The following ADGB variants were observed in gnomAD, a reference collection of about 807,000 sequenced individuals.
ADGB encodes the protein androglobin, also known as calpain-7-like protein.
A neutral mutation model predicts 210.5 loss-of-function variants in ADGB; 172 were observed. That is an observed-to-expected ratio of 0.82 (90% CI 0.72 to 0.93). The LOEUF is 0.93. ADGB is among the 40% of genes least tolerant of loss of function. The pLI is 0.00. For missense variants in ADGB, 2,025 were observed against 1,964.8 expected (o/e 1.03, Z -0.58); for synonymous variants, 658 against 662.7 (o/e 0.99, Z 0.11).
chr6:146,751,982 T>C (rs958933847), intron 26 of ADGB, among the ~76,000 whole-genome samples: 6 of 152,184 alleles, frequency 3.9e-5, no homozygotes, highest in Non-Finnish European at 8.8e-5. Flanking sequence ...TTAGTGAACT[T>C]TAAAAAGTAG....
intron 1 of ADGB, among the ~76,000 whole-genome samples, chr6:146,617,591 C>T (rs1780821905): frequency 1.3e-5 from 2 of 151,312 alleles, no homozygotes; most frequent in Non-Finnish European, 3.0e-5. Flanking sequence ...TATATGTGAC[C>T]TTCATTGTTT....
At chr6:146,808,629 A>C (rs776588752) in intron 35 of ADGB, among the ~76,000 whole-genome samples, 12 of 152,240 alleles carry the variant, frequency 7.9e-5, no homozygotes, top group Non-Finnish European at 1.5e-4. Flanking sequence ...TTTTTTAACC[A>C]GTGAAAGCGG....
At chr6:146,784,481 T>C (rs1420060103) in intron 30 of ADGB, 137 bp from the exon 31 acceptor site, 7 of 721,396 alleles carry the variant, frequency 9.7e-6, no homozygotes, top group Admixed American at 7.7e-5. Flanking sequence ...AACATTTTCG[T>C]ACAAGTCTTT....
At chr6:146,804,775 G>A (rs1413346110) in intron 35 of ADGB, among the ~76,000 whole-genome samples, 1 of 152,036 alleles carries the variant, frequency 6.6e-6, no homozygotes, top group Non-Finnish European at 1.5e-5. Flanking sequence ...TACCAATCAC[G>A]ACAAACTAGG....
intron 1 of ADGB, among the ~76,000 whole-genome samples, chr6:146,602,003 A>T (rs558554050): frequency 1.8e-4 from 27 of 152,368 alleles, no homozygotes; most frequent in Middle Eastern, 3.4e-3. Flanking sequence ...TGATTACGGT[A>T]GAATCATCTA....
At chr6:146,640,098 A>C (rs571918771) in intron 2 of ADGB, among the ~76,000 whole-genome samples, 28 of 152,184 alleles carry the variant, frequency 1.8e-4, no homozygotes, top group African/African-American at 6.5e-4. Flanking sequence ...ACCCCACAGA[A>C]ATAAAAGCAG....
chr6:146,713,349 T>C (rs945711403), intron 13 of ADGB, among the ~76,000 whole-genome samples: 4 of 152,248 alleles, frequency 2.6e-5, no homozygotes, highest in Non-Finnish European at 5.9e-5. Context: ...CACACCATTT[T>C]ACATTCTCAA....
chr6:146,809,278 T>C, intron 35 of ADGB, among the ~76,000 whole-genome samples: 1 of 152,190 alleles, frequency 6.6e-6, no homozygotes, highest in Non-Finnish European at 1.5e-5. Flanking sequence ...CAATCTCGGC[T>C]CAATGCAAAC....
intron 35 of ADGB, among the ~76,000 whole-genome samples, chr6:146,806,363 G>C (rs1236026052): frequency 1.3e-5 from 2 of 152,126 alleles, no homozygotes; most frequent in Non-Finnish European, 2.9e-5. Context: ...GATTACTGAT[G>C]TATATTAAAC....
At chr6:146,607,593 A>C (rs948771554) in intron 1 of ADGB, among the ~76,000 whole-genome samples, 1 of 152,028 alleles carries the variant, frequency 6.6e-6, no homozygotes, top group African/African-American at 2.4e-5. Context: ...TTCAGTTTTT[A>C]ATGTGAAGGT....
intron 25 of ADGB, among the ~76,000 whole-genome samples, chr6:146,742,353 G>A (rs1562289590): frequency 6.6e-6 from 1 of 151,460 alleles, no homozygotes; most frequent in East Asian, 1.9e-4. Flanking sequence ...TTTTTAATAA[G>A]ACAGATTTTT....
At chr6:146,640,230 C>T (rs890128027) in intron 2 of ADGB, among the ~76,000 whole-genome samples, 1 of 151,904 alleles carries the variant, frequency 6.6e-6, no homozygotes, top group African/African-American at 2.4e-5. Context: ...TTTTCCTGAA[C>T]AGACCAATAA....
intron 33 of ADGB, among the ~76,000 whole-genome samples, chr6:146,799,972 G>A (rs542327551): frequency 3.9e-5 from 6 of 152,038 alleles, no homozygotes; most frequent in African/African-American, 1.4e-4. Flanking sequence ...ACTGTGCCCA[G>A]CTAATTTTTG....
chr6:146,704,877 T>C lies in ADGB; in HGVS notation c.1707+3807T>C, dbSNP rs374782154. 1.9e-4 allele frequency among the ~76,000 whole-genome samples: 29 copies of C among 152,182 alleles called. 1 individual carries two copies. The East Asian group carries it at 3.7e-3, about 19-fold the overall frequency. On this transcript the variant is annotated intron_variant, in intron 13 of 35. Coordinates refer to ENST00000397944, the MANE Select transcript of ADGB (RefSeq NM_024694.4). ...TTTGGCTAGTATGTGAAAAATCTCA[T>C]CAGAATGTTGATAGATTACATTGAA...
chr6:146,666,850 T>A lies in ADGB; in HGVS notation c.787T>A (p.Phe263Ile). 1 of 1,547,748 alleles carries A rather than the reference T, an allele frequency of 6.5e-7. No homozygotes were observed. Among genetic ancestry groups the A allele is most frequent in the African/African-American group, 1.4e-5 (1 of 72,972 alleles). ...HVADRRELGE[F>I]TVIHALTGWL... ...AGCAGACAGGAGAGAGCTGGGGGAG[T>A]TCACGGTTATTCATGCGCTCACAGG... Residue 263 changes from phenylalanine (F) to isoleucine (I), a missense_variant, in exon 7 of 36, where the codon TTC becomes ATC. By Grantham distance (21) the Phe-to-Ile change is conservative. Coordinates refer to ENST00000397944, the MANE Select transcript of ADGB (RefSeq NM_024694.4).
chr6:146,729,764 C>A (rs1350079334), intron 20 of ADGB, among the ~76,000 whole-genome samples: 1 of 152,140 alleles, frequency 6.6e-6, no homozygotes, highest in African/African-American at 2.4e-5. Context: ...CTTGTTATTA[C>A]TAATTTAATA....
intron 19 of ADGB, among the ~76,000 whole-genome samples, chr6:146,726,703 G>A (rs898841055): frequency 6.6e-5 from 10 of 152,274 alleles, no homozygotes; most frequent in African/African-American, 1.9e-4. Flanking sequence ...AGTGAAATAT[G>A]TATACTTTTC....
At chr6:146,809,980 C>A (rs2114675029) in intron 35 of ADGB, among the ~76,000 whole-genome samples, 1 of 151,188 alleles carries the variant, frequency 6.6e-6, no homozygotes, top group East Asian at 2.0e-4. Context: ...AAATAAAAAG[C>A]TGCTGCACAG....
chr6:146,726,859 C>T (rs991531357), intron 19 of ADGB, among the ~76,000 whole-genome samples: 3 of 152,120 alleles, frequency 2.0e-5, no homozygotes, highest in Non-Finnish European at 4.4e-5. Flanking sequence ...TGGTCTCTTT[C>T]TCTCCTTTCA....
Sources: gnomAD v4.1 joint callset for allele counts (sites outside exome capture counted in the v4.1 genomes callset) on GRCh38, gnomAD v4.1.1 for gene constraint, MANE v1.5 for transcripts, NCBI Gene and HGNC (gene_info 2026-07-23, HGNC 2026-07-21) for gene names.